The following ENOX1 variants were observed in gnomAD, a reference collection of about 807,000 sequenced individuals.
The protein encoded by ENOX1 is candidate growth-related and time keeping constitutive hydroquinone (NADH) oxidase.
In ENOX1, 42 loss-of-function variants were observed where a neutral mutation model predicts 82.5. That is an observed-to-expected ratio of 0.51 (90% CI 0.40 to 0.66). The LOEUF (loss-of-function observed/expected upper bound fraction) is 0.66. Ranked by LOEUF, ENOX1 falls within the 30% of genes least tolerant of loss-of-function variation. The probability of loss-of-function intolerance (pLI) is 0.00; values close to 1 mark genes in which losing one functional copy is unlikely to be tolerated. For synonymous variants in ENOX1, 271 were observed against 282.2 expected (o/e 0.96, Z 0.40); for missense variants, 608 against 811.6 (o/e 0.75, Z 3.05).
chr13:43,635,658 G>T (rs1054981886), intron 2 of ENOX1, among the ~76,000 whole-genome samples: 6 of 152,088 alleles, frequency 3.9e-5, no homozygotes, highest in African/African-American at 1.4e-4. Context: ...ATGTATATCA[G>T]GATTTTGTTG....
chr13:43,641,773 T>A (rs2083665632), intron 2 of ENOX1, among the ~76,000 whole-genome samples: 1 of 151,988 alleles, frequency 6.6e-6, no homozygotes, highest in Non-Finnish European at 1.5e-5. Flanking sequence ...GACCTCGTGA[T>A]CCAACTGCCT....
At chr13:43,285,366 G>A (rs2045634367) in intron 12 of ENOX1, among the ~76,000 whole-genome samples, 1 of 152,136 alleles carries the variant, frequency 6.6e-6, no homozygotes, top group South Asian at 2.1e-4. Context: ...TATCTAGGTA[G>A]TGACATTATG....
intron 1 of ENOX1, among the ~76,000 whole-genome samples, chr13:43,674,276 T>C (rs1428911045): frequency 1.3e-5 from 2 of 152,058 alleles, no homozygotes; most frequent in Non-Finnish European, 2.9e-5. Flanking sequence ...AAAGTTCTAA[T>C]GGGAAAGACA....
At chr13:43,215,771 T>TA (rs991128778) in intron 16 of ENOX1, among the ~76,000 whole-genome samples, 8 of 152,130 alleles carry the variant, frequency 5.3e-5, no homozygotes, top group African/African-American at 4.8e-5. Flanking sequence ...AGGCACTTGT[T>TA]AAAAAAATCA....
chr13:43,295,967 C>T (rs955571134), intron 12 of ENOX1, among the ~76,000 whole-genome samples: 2 of 152,170 alleles, frequency 1.3e-5, no homozygotes, highest in Admixed American at 6.5e-5. Context: ...TAAAGAGGCA[C>T]ACCTCTCAGG....
intron 5 of ENOX1, 24 bp downstream of exon 5, chr13:43,411,892 C>G: frequency 6.2e-7 from 1 of 1,613,846 alleles, no homozygotes; most frequent in Non-Finnish European, 8.5e-7. Flanking sequence ...CTGCAAGCAT[C>G]TCTGAAACCA....
intron 11 of ENOX1, among the ~76,000 whole-genome samples, chr13:43,307,234 T>C (rs4420417): frequency 0.95 from 145,048 of 152,196 alleles, 69,542 homozygotes; most frequent in East Asian, 1. Context: ...GGCAATAGGA[T>C]AGAAAGTATC....
intron 3 of ENOX1, among the ~76,000 whole-genome samples, chr13:43,444,368 G>C (rs1201098554): frequency 2.0e-5 from 3 of 152,164 alleles, no homozygotes; most frequent in South Asian, 2.1e-4. Context: ...GGAGGTGAAG[G>C]CTGAGCTGCA....
At chr13:43,314,349 G>A (rs115828029) in intron 11 of ENOX1, among the ~76,000 whole-genome samples, 1,958 of 152,264 alleles carry the variant, frequency 0.013, 34 homozygotes, top group African/African-American at 0.043. Context: ...AGGGAAGGAA[G>A]TACTTACTTT....
intron 11 of ENOX1, among the ~76,000 whole-genome samples, chr13:43,305,879 T>C (rs750438055): frequency 2.6e-4 from 39 of 152,234 alleles, no homozygotes; most frequent in South Asian, 4.2e-4. Context: ...ACATCAGAAG[T>C]GAACGCTGCA....
chr13:43,634,361 G>C (rs2083334484), intron 2 of ENOX1, among the ~76,000 whole-genome samples: 2 of 152,182 alleles, frequency 1.3e-5, no homozygotes, highest in African/African-American at 4.8e-5. Flanking sequence ...CCTGCTTCCA[G>C]TTACATACTT....
intron 2 of ENOX1, among the ~76,000 whole-genome samples, chr13:43,616,204 A>ATATATATTTTTT (rs1457149422): frequency 4.6e-4 from 7 of 15,314 alleles, no homozygotes; most frequent in Non-Finnish European, 8.3e-4. Flanking sequence ...ATATATATAT[A>ATATATATTTTTT]TTTTTTTTTT....
intron 1 of ENOX1, among the ~76,000 whole-genome samples, chr13:43,747,244 A>G (rs1289716795): frequency 6.6e-6 from 1 of 152,216 alleles, no homozygotes; most frequent in Non-Finnish European, 1.5e-5. Flanking sequence ...TAGACTCTCA[A>G]TAAATATTTC....
intron 9 of ENOX1, 114 bp downstream of exon 9, chr13:43,344,424 T>C: frequency 2.4e-6 from 2 of 837,348 alleles, no homozygotes; most frequent in Non-Finnish European, 1.9e-6. Context: ...CCATTCAATA[T>C]GGAGTAAAAA....
At chr13:43,515,551 A>C (rs2077528076) in intron 2 of ENOX1, among the ~76,000 whole-genome samples, 1 of 152,166 alleles carries the variant, frequency 6.6e-6, no homozygotes, top group Non-Finnish European at 1.5e-5. Context: ...CAACAACCTT[A>C]CAAGGTAGAT....
intron 14 of ENOX1, among the ~76,000 whole-genome samples, chr13:43,263,362 C>T (rs1052005775): frequency 2.6e-5 from 4 of 152,188 alleles, no homozygotes; most frequent in Non-Finnish European, 4.4e-5. Context: ...TTCCTTCCTA[C>T]TGAGCCAGAA....
At chr13:43,354,983 C>G (rs1020530262) in intron 8 of ENOX1, among the ~76,000 whole-genome samples, 1 of 152,188 alleles carries the variant, frequency 6.6e-6, no homozygotes, top group African/African-American at 2.4e-5. Context: ...ATTGCATTTA[C>G]CTTGGTTGAC....
intron 7 of ENOX1, among the ~76,000 whole-genome samples, chr13:43,358,483 G>A (rs2050290553): frequency 1.3e-5 from 2 of 152,196 alleles, no homozygotes; most frequent in Middle Eastern, 6.8e-3. Flanking sequence ...TCCTCCAAGT[G>A]TACTGAGGGA....
rs115458496 is a variant in ENOX1 at position 43,268,422 on chromosome 13, A to G, written c.1554+1048T>C. On this transcript the variant is annotated intron_variant, in intron 13 of 16. Transcript: ENST00000690772. ...CCTCAGTACAAGTTACTGAATCTAT[A>G]TTCATCATATAAAGATAATTATTAG... is the stretch of plus-strand genomic sequence containing the variant. Among the ~76,000 whole-genome samples the G allele has an allele frequency of 2.4e-3, 370 of 152,326 alleles. 1 individual carries two copies. Among genetic ancestry groups the G allele is most frequent in the African/African-American group, 8.5e-3 (352 of 41,568 alleles).
Sources: allele counts gnomAD v4.1 joint callset (sites outside exome capture counted in the v4.1 genomes callset), GRCh38; gene constraint gnomAD v4.1.1; transcripts MANE v1.5; gene names NCBI Gene and HGNC (gene_info 2026-07-23, HGNC 2026-07-21).